Variants in TNFRSF19 observed in about 807,000 individuals in gnomAD.
TNFRSF19 encodes the protein TNF receptor superfamily member 19.
TNFRSF19 carries 27 observed loss-of-function variants against 46.4 expected under a neutral mutation model. The observed-to-expected ratio is 0.58, with a 90% CI of 0.43 to 0.80. TNFRSF19 has a LOEUF of 0.80. Ranked by LOEUF, TNFRSF19 falls within the 30% of genes least tolerant of loss-of-function variation. TNFRSF19 has a pLI of 0.00. For synonymous variants in TNFRSF19, 204 were observed against 205.0 expected (o/e 1.00, Z 0.04); for missense variants, 511 against 530.8 (o/e 0.96, Z 0.37).
chr13:23,654,706 G>A (rs1044719318), intron 5 of TNFRSF19, among the ~76,000 whole-genome samples: 2 of 152,164 alleles, frequency 1.3e-5, no homozygotes, highest in African/African-American at 4.8e-5. Context: ...GGAGCAGTGC[G>A]GTCTACTAGA....
chr13:23,643,188 C>G (rs889276368), intron 5 of TNFRSF19, among the ~76,000 whole-genome samples: 50 of 152,312 alleles, frequency 3.3e-4, no homozygotes, highest in African/African-American at 1.2e-3. Context: ...TTTCCAAGAG[C>G]AGAGATAAAG....
intron 1 of TNFRSF19, among the ~76,000 whole-genome samples, chr13:23,575,673 T>C (rs1877907622): frequency 6.6e-6 from 1 of 152,234 alleles, no homozygotes; most frequent in Non-Finnish European, 1.5e-5. Flanking sequence ...TAATGAGAAC[T>C]TACTATGTGC....
At chr13:23,626,148 T>C (rs1216136440) in intron 4 of TNFRSF19, among the ~76,000 whole-genome samples, 1 of 151,872 alleles carries the variant, frequency 6.6e-6, no homozygotes, top group African/African-American at 2.4e-5. Context: ...TTGATGATGC[T>C]ATATTTATTT....
intron 4 of TNFRSF19, among the ~76,000 whole-genome samples, chr13:23,620,750 A>G (rs1339711415): frequency 3.3e-5 from 5 of 152,288 alleles, no homozygotes; most frequent in East Asian, 3.9e-4. Flanking sequence ...ACAGGCCTCC[A>G]AGCTCCTCTG....
chr13:23,659,425 T>C lies in TNFRSF19; in HGVS notation c.610+211T>C, dbSNP rs1169252647. Among the ~76,000 whole-genome samples, 1 of 152,178 alleles carries C rather than the reference T, an allele frequency of 6.6e-6. No individual in the cohort carries two copies. Among genetic ancestry groups the C allele is most frequent in the South Asian group, 2.1e-4 (1 of 4,826 alleles). On this transcript the variant is annotated intron_variant, in intron 6 of 9. Coordinates refer to ENST00000248484, the MANE Select transcript of TNFRSF19 (RefSeq NM_148957.4). The surrounding 1 kb of genome is among the most constrained non-coding windows in gnomAD (Gnocchi z 4.9). ...ACGTCAGTGTTGACTCCCCAAAAAC[T>C]TAACTACTAATAGCCTATTGTTGAC...
At chr13:23,587,364 G>A (rs1340799385) in intron 1 of TNFRSF19, among the ~76,000 whole-genome samples, 1 of 152,018 alleles carries the variant, frequency 6.6e-6, no homozygotes, top group African/African-American at 2.4e-5. Context: ...CAGCTAAATT[G>A]TTTATTTCTA....
intron 3 of TNFRSF19, among the ~76,000 whole-genome samples, chr13:23,599,280 A>T (rs1308331786): frequency 6.6e-6 from 1 of 152,220 alleles, no homozygotes; most frequent in Non-Finnish European, 1.5e-5. Flanking sequence ...CAAAGTATTT[A>T]AAAATGCCAT....
At chr13:23,666,896 A>G (rs913800194) in intron 7 of TNFRSF19, among the ~76,000 whole-genome samples, 1 of 152,102 alleles carries the variant, frequency 6.6e-6, no homozygotes, top group Non-Finnish European at 1.5e-5. Flanking sequence ...TTATAAAGAG[A>G]GACTGTAGTT....
chr13:23,662,432 T>TG (rs1941720969), intron 7 of TNFRSF19, among the ~76,000 whole-genome samples: 1 of 152,236 alleles, frequency 6.6e-6, no homozygotes, highest in South Asian at 2.1e-4. Flanking sequence ...ACTGTGGCCT[T>TG]GTAGCGTAGT....
intron 7 of TNFRSF19, among the ~76,000 whole-genome samples, chr13:23,663,390 T>G (rs1163550213): frequency 6.6e-6 from 1 of 152,186 alleles, no homozygotes; most frequent in Non-Finnish European, 1.5e-5. Context: ...GGATTAGCTT[T>G]TTTGATGTGC....
intron 6 of TNFRSF19, among the ~76,000 whole-genome samples, chr13:23,660,144 C>G (rs374604801): frequency 6.6e-6 from 1 of 152,184 alleles, no homozygotes; most frequent in African/African-American, 2.4e-5. Flanking sequence ...CCCTGCGCCA[C>G]TAGGCAAAAA....
intron 5 of TNFRSF19, among the ~76,000 whole-genome samples, chr13:23,634,913 A>G (rs1882579840): frequency 6.6e-6 from 1 of 152,152 alleles, no homozygotes; most frequent in Non-Finnish European, 1.5e-5. Context: ...TTACTTGAGT[A>G]CCGTCGTTTT....
At chr13:23,627,985 A>G (rs1444059228) in intron 5 of TNFRSF19, among the ~76,000 whole-genome samples, 1 of 152,166 alleles carries the variant, frequency 6.6e-6, no homozygotes, top group Non-Finnish European at 1.5e-5. Flanking sequence ...ATAGGTAAAC[A>G]TTCACCAAAT....
Position 23,660,662 on chromosome 13 carries a change from C to T in TNFRSF19, c.736+172C>T, listed in dbSNP as rs377627334. Among the ~76,000 whole-genome samples, 5 of 152,188 alleles carry T rather than the reference C, an allele frequency of 3.3e-5. No individual in the cohort carries two copies. In the South Asian group the frequency reaches 6.2e-4, roughly 19 times the overall value. On this transcript the variant is annotated intron_variant, in intron 7 of 9. Transcript: ENST00000248484. ...CCATCTCCTGTTGGTTTGGGTGTTT[C>T]GAGTCTCTTAAGCATTAAAAAGGAA...
At chr13:23,627,002 T>C (rs765028525) in intron 5 of TNFRSF19, among the ~76,000 whole-genome samples, 5 of 152,198 alleles carry the variant, frequency 3.3e-5, no homozygotes, top group Non-Finnish European at 7.3e-5. Flanking sequence ...GATTTGAATC[T>C]CAGAGTGGAG....
chr13:23,628,266 A>G (rs9553020), intron 5 of TNFRSF19, among the ~76,000 whole-genome samples: 72,258 of 152,056 alleles, frequency 0.48, 19,197 homozygotes, highest in Non-Finnish European at 0.6. Flanking sequence ...TTTCCTACAC[A>G]TTGACTCTTT....
At chr13:23,571,873 T>G (rs74548859) in intron 1 of TNFRSF19, among the ~76,000 whole-genome samples, 2 of 142,420 alleles carry the variant, frequency 1.4e-5, no homozygotes, top group Non-Finnish European at 3.0e-5. Context: ...GTTCGCGATG[T>G]TTTTTTTTTT....
chr13:23,589,284 G>T (rs1342399334), intron 1 of TNFRSF19, among the ~76,000 whole-genome samples: 1 of 152,138 alleles, frequency 6.6e-6, no homozygotes. Context: ...GATCATTCCT[G>T]GTAAAGATAA....
chr13:23,648,619 A>G (rs1299553333), intron 5 of TNFRSF19, among the ~76,000 whole-genome samples: 2 of 152,110 alleles, frequency 1.3e-5, no homozygotes, highest in Admixed American at 6.5e-5. Context: ...TTCCAGTACT[A>G]TATTAAGTAG....
Sources: gnomAD v4.1 joint callset for allele counts (sites outside exome capture counted in the v4.1 genomes callset) on GRCh38, gnomAD v4.1.1 for gene constraint, Gnocchi (gnomAD v3.1) non-coding constraint, MANE v1.5 for transcripts, NCBI Gene and HGNC (gene_info 2026-07-23, HGNC 2026-07-21) for gene names.